APC: variants seen among roughly 807,000 people sequenced by gnomAD.
The protein encoded by APC is APC regulator of Wnt signaling pathway, also known as adenomatous polyposis coli protein.
In APC, 72 loss-of-function variants were observed where a neutral mutation model predicts 247.0. That is an observed-to-expected ratio of 0.29 (90% CI 0.24 to 0.35). The LOEUF (loss-of-function observed/expected upper bound fraction) is 0.35, where lower values mean the gene tolerates loss of function less well. APC is among the 10% of genes least tolerant of loss of function. The probability of loss-of-function intolerance (pLI) is 1.00; values close to 1 mark genes in which losing one functional copy is unlikely to be tolerated. For missense variants in APC, 3,400 were observed against 3,360.7 expected, an observed-to-expected ratio of 1.01 and a Z score of -0.29; for synonymous variants, 1,254 against 1,162.5, an observed-to-expected ratio of 1.08 and a Z score of -1.60.
chr5:112,834,328 G>C (rs2149838620), intron 14 of APC, among the ~76,000 whole-genome samples: 1 of 145,786 alleles, frequency 6.9e-6, no homozygotes, highest in Non-Finnish European at 1.5e-5. Flanking sequence ...TGCGACCTCT[G>C]CCTCCCAGGT....
rs1756310679 is a variant in APC at position 112,766,310 on chromosome 5, G to A, written c.136-16G>A. 6.7e-7 allele frequency: 1 copy of A among 1,498,644 alleles called. No individual in the cohort carries two copies. Among genetic ancestry groups the A allele is most frequent in the Non-Finnish European group, 9.3e-7 (1 of 1,075,380 alleles). 92.8% of individuals were successfully genotyped at this position (1,498,644 alleles called of 1,614,324 possible). The stretch of plus-strand genomic sequence containing the variant: ...ATTTAGAATTTCATGTTAATATATT[G>A]TGTTCTTTTTAACAGGAAGTACTTA... On this transcript the variant is annotated splice_polypyrimidine_tract_variant and intron_variant, in intron 2 of 15. Transcript: ENST00000257430.
chr5:112,777,660 G>C (rs781189783), intron 5 of APC: 1 of 205,846 alleles, frequency 4.9e-6, no homozygotes, highest in Admixed American at 4.9e-5. Context: ...TCATCTTCTG[G>C]ACAAGAATGC....
intron 1 of APC, among the ~76,000 whole-genome samples, chr5:112,728,360 G>A (rs1173011789): frequency 6.6e-6 from 1 of 152,062 alleles, no homozygotes; most frequent in East Asian, 1.9e-4. Flanking sequence ...TTGAACTCCT[G>A]ACCTCAAATG....
chr5:112,781,788 C>T (rs1221059876), intron 6 of APC, among the ~76,000 whole-genome samples: 3 of 146,284 alleles, frequency 2.1e-5, no homozygotes, highest in African/African-American at 5.1e-5. Flanking sequence ...TCTTGAGTCT[C>T]ACCCTGTTGC....
intron 10 of APC, among the ~76,000 whole-genome samples, chr5:112,821,429 C>T (rs992180109): frequency 1.3e-5 from 2 of 151,332 alleles, no homozygotes; most frequent in African/African-American, 4.9e-5. Flanking sequence ...GTCAATTGAG[C>T]CCAGGAATAC....
Position 112,839,374 on chromosome 5 carries a change from G to C in APC, c.3780G>C (p.Gln1260His), listed in dbSNP as rs763668164. 1 of 1,613,866 alleles carries C rather than the reference G, an allele frequency of 6.2e-7. No homozygotes were observed. Among genetic ancestry groups the C allele is most frequent in the Non-Finnish European group, 8.5e-7 (1 of 1,179,864 alleles). The change falls in exon 16 of 16, where the codon CAG becomes CAC. Residue 1260 changes from glutamine (Q) to histidine (H), a missense_variant. Gln to His is a conservative substitution (Grantham distance 24). Transcript: ENST00000257430. The surrounding 1 kb of genome is among the most constrained non-coding windows in gnomAD (Gnocchi z 5.0). ...CTTCTATTAACCAAGAAACAATACAGACTTATTGTGTAGAAGATACTCCAA... is the reference window on the plus strand; with the variant it reads ...CTTCTATTAACCAAGAAACAATACACACTTATTGTGTAGAAGATACTCCAA... Reference protein sequence around the residue: ...KVSSINQETIQTYCVEDTPIC... With the variant: ...KVSSINQETIHTYCVEDTPIC...
At chr5:112,772,458 T>TA (rs1757160589) in intron 4 of APC, among the ~76,000 whole-genome samples, 1 of 152,082 alleles carries the variant, frequency 6.6e-6, no homozygotes, top group Admixed American at 6.6e-5. Context: ...ACCTCCCCCT[T>TA]ACTTCAACAC....
In APC at chr5:112,813,424, AAACAAATTTAT is replaced by A. The variant is rs1291539110; in HGVS notation, c.835-2061_835-2051del. 7.9e-5 allele frequency among the ~76,000 whole-genome samples: 12 copies of A among 152,306 alleles called. No homozygotes were observed. In the South Asian group the frequency reaches 2.3e-3, roughly 29 times the overall value. Reference sequence around the variant, plus strand: ...GTATTACCTATTTAAGGACTTTATGAAACAAATTTATAACAAATTTGAACAAGGAATTTATT... The same window carrying A: ...GTATTACCTATTTAAGGACTTTATGAAACAAATTTGAACAAGGAATTTATT... On this transcript the variant is annotated intron_variant, in intron 8 of 15. Coordinates refer to ENST00000257430, the MANE Select transcript of APC (RefSeq NM_000038.6).
At chr5:112,771,213 T>C (rs1757010107) in intron 4 of APC, among the ~76,000 whole-genome samples, 2 of 152,162 alleles carry the variant, frequency 1.3e-5, no homozygotes, top group Admixed American at 6.5e-5. Context: ...CTTATATAGC[T>C]CTTTGTTTTT....
At chr5:112,790,838 C>T (rs1759499471) in intron 6 of APC, among the ~76,000 whole-genome samples, 2 of 151,918 alleles carry the variant, frequency 1.3e-5, no homozygotes, top group Admixed American at 6.6e-5. Flanking sequence ...ATATTTGTTC[C>T]GAAATATTTT....
chr5:112,813,761 A>G (rs952490893), intron 8 of APC, among the ~76,000 whole-genome samples: 1 of 151,686 alleles, frequency 6.6e-6, no homozygotes, highest in Admixed American at 6.6e-5. Context: ...CTAAAAAAAA[A>G]AAAAGAAAAA....
chr5:112,742,004 A>G (rs1033636419), intron 1 of APC, among the ~76,000 whole-genome samples: 7 of 152,084 alleles, frequency 4.6e-5, no homozygotes, highest in Non-Finnish European at 8.8e-5. Flanking sequence ...TATATGCCAC[A>G]TTTTGTTCAT....
At chr5:112,713,844 G>A (rs917189264) in intron 1 of APC, among the ~76,000 whole-genome samples, 2 of 152,138 alleles carry the variant, frequency 1.3e-5, no homozygotes, top group African/African-American at 4.8e-5. Flanking sequence ...TTTTAGTAGA[G>A]ACAGGGTTTC....
At chr5:112,722,452 C>G (rs570821813) in intron 1 of APC, among the ~76,000 whole-genome samples, 1 of 152,276 alleles carries the variant, frequency 6.6e-6, no homozygotes, top group South Asian at 2.1e-4. Context: ...CCCCACACAC[C>G]AATAGTGGAT....
At position 112,843,527 on chromosome 5, in the gene APC, T is replaced by A. The variant is rs1114167605; in HGVS notation, c.7933T>A (p.Tyr2645Asn). The A allele has an allele frequency of 1.2e-6, 2 of 1,613,802 alleles. No individual in the cohort carries two copies. Among genetic ancestry groups the A allele is most frequent in the Non-Finnish European group, 8.5e-7 (1 of 1,179,752 alleles). ...TGGTGCTGAATCAAAGACTCTAATT[T>A]ATCAAATGGCACCTGCTGTTTCTAA... ...TNGAESKTLI[Y>N]QMAPAVSKTE... Residue 2645 changes from tyrosine (Y) to asparagine (N), a missense_variant, in exon 16 of 16, where the codon TAT becomes AAT. Tyr to Asn is a moderately radical substitution (Grantham distance 143, BLOSUM62 -2). Coordinates refer to ENST00000257430, the MANE Select transcript of APC (RefSeq NM_000038.6). The surrounding 1 kb of genome is among the most constrained non-coding windows in gnomAD (Gnocchi z 4.8).
intron 5 of APC, among the ~76,000 whole-genome samples, chr5:112,776,121 T>C (rs933266085): frequency 4.6e-5 from 7 of 152,194 alleles, no homozygotes; most frequent in African/African-American, 1.7e-4. Flanking sequence ...CCAAATAGTT[T>C]TTGCAATAAA....
Position 112,785,770 on chromosome 5 carries a change from A to G in APC, c.645+4867A>G, listed in dbSNP as rs370058737. Among the ~76,000 whole-genome samples the G allele has an allele frequency of 1.3e-4, 20 of 152,334 alleles. No homozygotes were observed. The East Asian group carries it at 1.5e-3, about 12-fold the overall frequency. The stretch of plus-strand genomic sequence containing the variant: ...TCAATAAATTATATAGGTACAACCA[A>G]TGACCTGTTCAGAAGATGAGAAATT... On this transcript the variant is annotated intron_variant, in intron 6 of 15. Transcript: ENST00000257430.
chr5:112,833,573 C>T (rs976893568), intron 14 of APC, among the ~76,000 whole-genome samples: 1 of 152,170 alleles, frequency 6.6e-6, no homozygotes, highest in African/African-American at 2.4e-5. Flanking sequence ...ATCCACCCAC[C>T]TCAGCCTCCC....
chr5:112,752,907 T>C lies in APC; in HGVS notation c.-18-1966T>C, dbSNP rs6891448. Among the ~76,000 whole-genome samples the C allele has an allele frequency of 3.5e-3, 527 of 152,160 alleles. 4 individuals carry two copies. Among genetic ancestry groups the C allele is most frequent in the African/African-American group, 0.012 (503 of 41,548 alleles). On this transcript the variant is annotated intron_variant, in intron 1 of 15. Coordinates refer to ENST00000257430, the MANE Select transcript of APC (RefSeq NM_000038.6). ...AAAGTTTAATTGTTCATCTGAAGAG[T>C]TGATTTTTTTATTCCTGTAATAAAG...
Sources: gnomAD v4.1 joint callset for allele counts (sites outside exome capture counted in the v4.1 genomes callset) on GRCh38, gnomAD v4.1.1 for gene constraint, Gnocchi (gnomAD v3.1) non-coding constraint, MANE v1.5 for transcripts, NCBI Gene and HGNC (gene_info 2026-07-23, HGNC 2026-07-21) for gene names.